The following TENM3 variants were observed in gnomAD, a reference collection of about 807,000 sequenced individuals.
TENM3 encodes teneurin-3.
In TENM3, 63 loss-of-function variants were observed where a neutral mutation model predicts 255.1. The observed-to-expected ratio is 0.25, with a 90% CI of 0.20 to 0.30. The LOEUF is 0.30. TENM3 is among the 10% of genes least tolerant of loss of function. The pLI is 1.00. For synonymous variants in TENM3, 1,306 were observed against 1,322.3 expected (o/e 0.99, Z 0.27); for missense variants, 2,929 against 3,461.1 (o/e 0.85, Z 3.86).
At chr4:181,812,634 G>A in the TENM3 span, among the ~76,000 whole-genome samples, 6 of 152,212 alleles carry the variant, frequency 3.9e-5, no homozygotes, top group African/African-American at 1.2e-4. Flanking sequence ...TAAATGCTGC[G>A]CTTGCAGACA....
intron 1 of TENM3, chr4:182,169,147 A>C: frequency 2.4e-6 from 1 of 414,948 alleles, no homozygotes; most frequent in Non-Finnish European, 4.8e-6. Context: ...TGTACATTTG[A>C]CCACTATTAA....
In TENM3 at chr4:182,301,806, C is replaced by T. The variant is rs80158940; in HGVS notation, c.-75-22140C>T. On this transcript the variant is annotated intron_variant, in intron 1 of 27. Transcript: ENST00000511685. ...TGCCTTTTCAGTGATAACCTGGCTACACTATCGCACTGGGAATAAGTGTGG... is the reference window on the plus strand; with the variant it reads ...TGCCTTTTCAGTGATAACCTGGCTATACTATCGCACTGGGAATAAGTGTGG... Among the ~76,000 whole-genome samples, 125 of 152,292 alleles carry T rather than the reference C, an allele frequency of 8.2e-4. 2 individuals carry two copies. The East Asian group carries it at 0.023, about 28-fold the overall frequency.
chr4:181,888,365 C>T, the TENM3 span, among the ~76,000 whole-genome samples: 2 of 150,980 alleles, frequency 1.3e-5, no homozygotes, highest in East Asian at 3.9e-4. Flanking sequence ...TCCCAACCTG[C>T]ACCCAGATAA....
At chr4:181,898,926 T>C in the TENM3 span, among the ~76,000 whole-genome samples, 3 of 152,218 alleles carry the variant, frequency 2.0e-5, no homozygotes, top group South Asian at 2.1e-4. Flanking sequence ...GCTGAAATGA[T>C]GAAGCAGTTG....
chr4:181,683,111 G>T, the TENM3 span, among the ~76,000 whole-genome samples: 1 of 151,930 alleles, frequency 6.6e-6, no homozygotes, highest in African/African-American at 2.4e-5. Flanking sequence ...AAAATTGGAA[G>T]TAGGAAGTGA....
At chr4:182,374,686 AG>A (rs1317849915) in intron 3 of TENM3, among the ~76,000 whole-genome samples, 2 of 152,122 alleles carry the variant, frequency 1.3e-5, no homozygotes, top group African/African-American at 2.4e-5. Context: ...TTTAGTCCTG[AG>A]TATATAGGAG....
At chr4:181,582,749 C>T in the TENM3 span, among the ~76,000 whole-genome samples, 1 of 151,852 alleles carries the variant, frequency 6.6e-6, no homozygotes, top group African/African-American at 2.4e-5. Context: ...AGAATAGCAG[C>T]CCAGGGTCAT....
the TENM3 span, among the ~76,000 whole-genome samples, chr4:181,661,379 T>C: frequency 6.6e-6 from 1 of 152,160 alleles, no homozygotes; most frequent in African/African-American, 2.4e-5. Context: ...ACATAATCTT[T>C]CCATACTAAG....
chr4:181,703,398 C>CG, the TENM3 span, among the ~76,000 whole-genome samples: 11 of 152,130 alleles, frequency 7.2e-5, no homozygotes, highest in Non-Finnish European at 4.4e-5. Context: ...TTCTAACATA[C>CG]GTGAAGTAAG....
chr4:182,150,113 C>G (rs1278516877), intron 1 of TENM3, among the ~76,000 whole-genome samples: 1 of 151,556 alleles, frequency 6.6e-6, no homozygotes, highest in Non-Finnish European at 1.5e-5. Flanking sequence ...TTTGGTTGCC[C>G]TGGGATGGGA....
intron 2 of TENM3, among the ~76,000 whole-genome samples, chr4:182,329,375 T>C (rs1304097305): frequency 6.6e-6 from 1 of 152,174 alleles, no homozygotes; most frequent in Non-Finnish European, 1.5e-5. Flanking sequence ...CTGGTTTCCT[T>C]GGCCCCTCAG....
At chr4:182,650,543 A>G (rs1221005055) in intron 5 of TENM3, among the ~76,000 whole-genome samples, 1 of 149,910 alleles carries the variant, frequency 6.7e-6, no homozygotes, top group Non-Finnish European at 1.5e-5. Flanking sequence ...ACTGCTCAGT[A>G]ATTTCTGTAG....
intron 1 of TENM3, among the ~76,000 whole-genome samples, chr4:182,258,530 C>CA (rs35088208): frequency 0.18 from 27,313 of 148,782 alleles, 3,031 homozygotes; most frequent in Non-Finnish European, 0.25. Context: ...TTTTCCCTCT[C>CA]AAAAAAAAAA....
rs1018542717 is a variant in TENM3, at chr4:182,404,082, A to T, written c.511+57153A>T. ...GGGCTTATTATCATCGTGCTTTAGA[A>T]TTTGCTAATTCCTTTTTTCAATCAC... On this transcript the variant is annotated intron_variant, in intron 3 of 27. Transcript: ENST00000511685. 5.9e-5 allele frequency among the ~76,000 whole-genome samples: 9 copies of T among 152,146 alleles called. 1 individual carries two copies. The highest frequency in any genetic ancestry group is 1.3e-4 in the Non-Finnish European group (9 of 68,028).
chr4:182,575,092 A>G (rs1744789380), intron 3 of TENM3, among the ~76,000 whole-genome samples: 2 of 152,194 alleles, frequency 1.3e-5, no homozygotes, highest in South Asian at 4.1e-4. Context: ...AACATGTGGT[A>G]AAATCGTACA....
chr4:181,888,525 T>TATATATAC, the TENM3 span, among the ~76,000 whole-genome samples: 1 of 99,870 alleles, frequency 1.0e-5, no homozygotes, highest in African/African-American at 5.0e-5. Flanking sequence ...TGTATATATA[T>TATATATAC]ACATATATGT....
chr4:182,497,334 A>C (rs1580745771), intron 3 of TENM3, among the ~76,000 whole-genome samples: 1 of 152,174 alleles, frequency 6.6e-6, no homozygotes, highest in East Asian at 1.9e-4. Flanking sequence ...TACAGGCGTG[A>C]GCCACGGCAC....
chr4:182,700,776 C>T (rs577389871), intron 12 of TENM3, among the ~76,000 whole-genome samples: 1 of 152,254 alleles, frequency 6.6e-6, no homozygotes, highest in East Asian at 1.9e-4. Context: ...TCTACTACAT[C>T]TAAATGTGAT....
intron 2 of TENM3, among the ~76,000 whole-genome samples, chr4:182,329,393 G>A (rs1763617450): frequency 6.6e-6 from 1 of 152,184 alleles, no homozygotes; most frequent in Non-Finnish European, 1.5e-5. Context: ...CAGGAGCTGG[G>A]GAAGCCTGAA....
Sources: gnomAD v4.1 joint callset for allele counts (sites outside exome capture counted in the v4.1 genomes callset) on GRCh38, gnomAD v4.1.1 for gene constraint, MANE v1.5 for transcripts, NCBI Gene and HGNC (gene_info 2026-07-23, HGNC 2026-07-21) for gene names.